Variants in FCHSD2 observed in about 807,000 individuals in gnomAD.
The protein encoded by FCHSD2 is FCH and double SH3 domains 2, also known as F-BAR and double SH3 domains protein 2.
FCHSD2 carries 38 observed loss-of-function variants against 108.1 expected under a neutral mutation model. The ratio of observed to expected loss-of-function variants is 0.35; its 90% CI spans 0.27 to 0.46. The LOEUF (loss-of-function observed/expected upper bound fraction) is 0.46. Ranked by LOEUF, FCHSD2 falls within the 20% of genes least tolerant of loss-of-function variation. FCHSD2 has a pLI of 1.00. For synonymous variants in FCHSD2, 279 were observed against 314.7 expected (o/e 0.89, Z 1.20); for missense variants, 751 against 897.8 (o/e 0.84, Z 2.09).
At chr11:72,892,671 C>G (rs1855340486) in intron 10 of FCHSD2, among the ~76,000 whole-genome samples, 1 of 150,948 alleles carries the variant, frequency 6.6e-6, no homozygotes, top group Non-Finnish European at 1.5e-5. Context: ...GTGGCATGAT[C>G]TCAGCTCAGT....
At position 72,840,942 on chromosome 11, in the gene FCHSD2, C is replaced by G; in HGVS notation, c.2074G>C (p.Glu692Gln). 6.2e-7 allele frequency: 1 copy of G among 1,613,072 alleles called. No individual in the cohort carries two copies. ...PSANEKSLHA[E>Q]SPGFSQASRH... ...GATGCCTGTGAGAATCCTGGTGACTCAGCATGAAGGCTTTTTTCTAAGGGA... is the reference window on the plus strand; with the variant it reads ...GATGCCTGTGAGAATCCTGGTGACTGAGCATGAAGGCTTTTTTCTAAGGGA... Residue 692 changes from glutamate (E) to glutamine (Q), a missense_variant, in exon 19 of 20, where the codon GAG becomes CAG. Glu to Gln is a conservative substitution (Grantham distance 29). Transcript: ENST00000409418.
At chr11:72,918,405 A>G (rs1855917723) in intron 9 of FCHSD2, among the ~76,000 whole-genome samples, 1 of 152,082 alleles carries the variant, frequency 6.6e-6, no homozygotes, top group Admixed American at 6.5e-5. Context: ...CCTGTCTAGG[A>G]CTTCCAGTAC....
intron 8 of FCHSD2, among the ~76,000 whole-genome samples, chr11:72,923,777 T>C (rs1477013578): frequency 6.6e-6 from 1 of 152,064 alleles, no homozygotes; most frequent in Admixed American, 6.6e-5. Context: ...CCGTCTCTAC[T>C]AAAAATACAA....
chr11:72,921,638 G>T (rs966040741), intron 9 of FCHSD2, among the ~76,000 whole-genome samples, 190 bp downstream of exon 9: 1 of 152,136 alleles, frequency 6.6e-6, no homozygotes, highest in Non-Finnish European at 1.5e-5. Flanking sequence ...TTTGCCCTTG[G>T]TGCCATCTTC....
chr11:73,099,080 G>A (rs1388998595), intron 2 of FCHSD2, among the ~76,000 whole-genome samples: 1 of 152,078 alleles, frequency 6.6e-6, no homozygotes, highest in Non-Finnish European at 1.5e-5. Context: ...GTCGGAGGTA[G>A]TGGTACATGC....
chr11:72,860,351 T>C (rs1271641538), intron 13 of FCHSD2, among the ~76,000 whole-genome samples: 1 of 152,146 alleles, frequency 6.6e-6, no homozygotes, highest in Non-Finnish European at 1.5e-5. Context: ...TAAGAACACA[T>C]GTAACAGTTA....
intron 3 of FCHSD2, among the ~76,000 whole-genome samples, chr11:73,067,299 G>C (rs969884643): frequency 3.9e-5 from 6 of 152,094 alleles, no homozygotes; most frequent in Non-Finnish European, 7.4e-5. Context: ...CATGGACATA[G>C]GGAGGGGAAT....
chr11:73,123,949 CCTT>C (rs1860793231), intron 2 of FCHSD2, among the ~76,000 whole-genome samples: 2 of 152,108 alleles, frequency 1.3e-5, no homozygotes, highest in South Asian at 4.1e-4. Flanking sequence ...CATGAACAGG[CCTT>C]AATATTGTAT....
intron 2 of FCHSD2, among the ~76,000 whole-genome samples, chr11:73,086,970 G>A (rs1379175646): frequency 6.6e-6 from 1 of 152,150 alleles, no homozygotes; most frequent in Non-Finnish European, 1.5e-5. Context: ...CACAAATATT[G>A]TATGATTCCA....
At chr11:72,879,652 T>C (rs911636496) in intron 12 of FCHSD2, among the ~76,000 whole-genome samples, 1 of 152,218 alleles carries the variant, frequency 6.6e-6, no homozygotes, top group African/African-American at 2.4e-5. Context: ...CAGTAGTTTA[T>C]ACACTATAGA....
chr11:73,093,857 G>T (rs1443860212), intron 2 of FCHSD2, among the ~76,000 whole-genome samples: 1 of 151,890 alleles, frequency 6.6e-6, no homozygotes, highest in African/African-American at 2.4e-5. Context: ...TGCCCACCTC[G>T]GCCTCCCAAA....
chr11:73,035,049 A>C (rs1858453282), intron 3 of FCHSD2, among the ~76,000 whole-genome samples: 1 of 152,184 alleles, frequency 6.6e-6, no homozygotes, highest in South Asian at 2.1e-4. Context: ...TGCAGCCACT[A>C]TTGGGAACAA....
At chr11:72,928,489 C>G (rs995087428) in intron 8 of FCHSD2, among the ~76,000 whole-genome samples, 3 of 152,134 alleles carry the variant, frequency 2.0e-5, no homozygotes, top group South Asian at 2.1e-4. Flanking sequence ...GTCCTTCCCC[C>G]CTTCTCTTCC....
chr11:73,057,927 T>A (rs1859067075), intron 3 of FCHSD2, among the ~76,000 whole-genome samples: 1 of 151,394 alleles, frequency 6.6e-6, no homozygotes, highest in African/African-American at 2.4e-5. Flanking sequence ...TCGCCCAGGC[T>A]GGAGTGCAGT....
At chr11:73,119,390 C>T (rs1860680163) in intron 2 of FCHSD2, among the ~76,000 whole-genome samples, 1 of 151,834 alleles carries the variant, frequency 6.6e-6, no homozygotes, top group African/African-American at 2.4e-5. Context: ...AAATTCAAAT[C>T]TATATACTTT....
At chr11:72,980,714 ATATG>A (rs1472410431) in intron 8 of FCHSD2, among the ~76,000 whole-genome samples, 5 of 149,706 alleles carry the variant, frequency 3.3e-5, no homozygotes, top group African/African-American at 7.3e-5. Flanking sequence ...GTATGTATAT[ATATG>A]TATGTGTATA....
chr11:72,999,848 CCT>C (rs1319219753), intron 5 of FCHSD2, among the ~76,000 whole-genome samples: 1 of 139,052 alleles, frequency 7.2e-6, no homozygotes, highest in Non-Finnish European at 1.6e-5. Context: ...TACCTTACAC[CCT>C]CTTTCTGCAC....
chr11:73,083,256 A>T (rs1317018223), intron 3 of FCHSD2, among the ~76,000 whole-genome samples: 1 of 152,224 alleles, frequency 6.6e-6, no homozygotes, highest in Non-Finnish European at 1.5e-5. Context: ...TGAGACAGAA[A>T]TAACAAGAAA....
At chr11:72,930,721 T>G (rs1341416414) in intron 8 of FCHSD2, among the ~76,000 whole-genome samples, 1 of 152,138 alleles carries the variant, frequency 6.6e-6, no homozygotes, top group East Asian at 1.9e-4. Flanking sequence ...CCAGCCTGGG[T>G]GACAGGGCGA....
Sources: allele counts gnomAD v4.1 joint callset (sites outside exome capture counted in the v4.1 genomes callset), GRCh38; gene constraint gnomAD v4.1.1; transcripts MANE v1.5; gene names NCBI Gene and HGNC (gene_info 2026-07-23, HGNC 2026-07-21).